DPP6: variants seen among roughly 807,000 people sequenced by gnomAD.
DPP6 encodes the protein dipeptidyl peptidase like 6, also known as A-type potassium channel modulatory protein DPP6.
A neutral mutation model predicts 122.6 loss-of-function variants in DPP6; 69 were observed. The observed-to-expected ratio is 0.56, with a 90% CI of 0.46 to 0.69. DPP6 has a LOEUF of 0.69. Among genes scored for constraint, DPP6 ranks in the 30% least tolerant of loss-of-function variants. The pLI, the probability that DPP6 is intolerant of heterozygous loss-of-function variation, is 0.00. For missense variants in DPP6, 928 were observed against 1,116.9 expected (o/e 0.83, Z 2.41); for synonymous variants, 418 against 433.1 (o/e 0.97, Z 0.43).
At chr7:154,341,668 C>A (rs1304711469) in intron 1 of DPP6, among the ~76,000 whole-genome samples, 1 of 151,102 alleles carries the variant, frequency 6.6e-6, no homozygotes, top group African/African-American at 2.4e-5. Context: ...TTTCTTGTCC[C>A]TTCTGTTTAG....
chr7:154,514,925 A>T (rs1439750913), intron 3 of DPP6, among the ~76,000 whole-genome samples: 1 of 152,220 alleles, frequency 6.6e-6, no homozygotes, highest in African/African-American at 2.4e-5. Flanking sequence ...TGCTGGATCA[A>T]GTGGTAATTC....
intron 1 of DPP6, among the ~76,000 whole-genome samples, chr7:154,105,762 A>C (rs1806112254): frequency 6.6e-6 from 1 of 152,034 alleles, no homozygotes; most frequent in Non-Finnish European, 1.5e-5. Flanking sequence ...ACGTGCCTTT[A>C]CTTCTCCTTT....
chr7:154,000,467 A>C (rs1322189110), intron 1 of DPP6, among the ~76,000 whole-genome samples: 2 of 152,174 alleles, frequency 1.3e-5, no homozygotes, highest in African/African-American at 4.8e-5. Context: ...TTCTGGTGAC[A>C]GCCCACACTG....
chr7:154,111,815 G>A (rs182230899), intron 1 of DPP6, among the ~76,000 whole-genome samples: 8 of 152,258 alleles, frequency 5.3e-5, no homozygotes, highest in Admixed American at 3.9e-4. Context: ...CTCTTAGATT[G>A]GAATTGTGTT....
chr7:153,837,837 ATTTTTTTTTT>A, the DPP6 span, among the ~76,000 whole-genome samples: 3 of 80,638 alleles, frequency 3.7e-5, no homozygotes, highest in African/African-American at 5.1e-5. Flanking sequence ...TGCCTGGTTA[ATTTTTTTTTT>A]TTTTTTTTTT....
At chr7:154,572,683 A>AAT (rs1554589113) in intron 5 of DPP6, among the ~76,000 whole-genome samples, 3 of 130,696 alleles carry the variant, frequency 2.3e-5, no homozygotes, top group Non-Finnish European at 4.9e-5. Context: ...CACATGGCTA[A>AAT]TTTTTTTTTT....
At chr7:154,675,446 C>T (rs1838840716) in intron 7 of DPP6, among the ~76,000 whole-genome samples, 1 of 152,292 alleles carries the variant, frequency 6.6e-6, no homozygotes, top group Non-Finnish European at 1.5e-5. Context: ...AGACTGGACT[C>T]CCAAAGATGT....
At position 154,282,039 on chromosome 7, in the gene DPP6, C is replaced by G. The variant is rs1193899875; in HGVS notation, c.244-164175C>G. Among the ~76,000 whole-genome samples the G allele has an allele frequency of 6.6e-6, 1 of 152,104 alleles. No individual in the cohort carries two copies. The highest frequency in any genetic ancestry group is 2.4e-5 in the African/African-American group (1 of 41,414). ...CTTAACCTTTCAACACCTCTGTTTCCTCCCCTGTCCAATGGGGAGATTGAC... is the reference window on the plus strand; with the variant it reads ...CTTAACCTTTCAACACCTCTGTTTCGTCCCCTGTCCAATGGGGAGATTGAC... On this transcript the variant is annotated intron_variant, in intron 1 of 25. Transcript: ENST00000377770. This position sits in a 1 kb window ranked among gnomAD's most constrained non-coding sequence, Gnocchi z 4.8.
the DPP6 span, among the ~76,000 whole-genome samples, chr7:153,850,165 G>T: frequency 2.0e-5 from 3 of 152,250 alleles, no homozygotes; most frequent in Admixed American, 6.5e-5. Flanking sequence ...ACACAGCTTA[G>T]GTGGCTTTGC....
intron 16 of DPP6, among the ~76,000 whole-genome samples, chr7:154,825,082 C>A (rs1340956608): frequency 1.2e-4 from 19 of 152,216 alleles, no homozygotes; most frequent in Non-Finnish European, 2.6e-4. Context: ...GAAACACCTG[C>A]AGGCCACATC....
intron 1 of DPP6, among the ~76,000 whole-genome samples, chr7:153,924,937 C>T (rs1010831066): frequency 6.6e-6 from 1 of 152,162 alleles, no homozygotes; most frequent in African/African-American, 2.4e-5. Context: ...CAAGAAAGAT[C>T]TGGACTCGAG....
intron 5 of DPP6, among the ~76,000 whole-genome samples, chr7:154,581,020 C>T (rs781634077): frequency 2.0e-5 from 3 of 152,124 alleles, no homozygotes; most frequent in Admixed American, 1.3e-4. Context: ...CTGTTCCCTC[C>T]GCTCCCAGAC....
At chr7:154,854,628 G>A (rs1436198800) in intron 17 of DPP6, among the ~76,000 whole-genome samples, 1 of 152,204 alleles carries the variant, frequency 6.6e-6, no homozygotes, top group African/African-American at 2.4e-5. Flanking sequence ...TTGAAGCCTG[G>A]TCAAGAAGAG....
At chr7:154,264,531 G>C (rs1173405205) in intron 1 of DPP6, among the ~76,000 whole-genome samples, 1 of 152,266 alleles carries the variant, frequency 6.6e-6, no homozygotes, top group African/African-American at 2.4e-5. Flanking sequence ...TTACTGTAAA[G>C]ATGAAAATTG....
chr7:153,987,014 C>T (rs71265473), intron 1 of DPP6, among the ~76,000 whole-genome samples: 25 of 152,124 alleles, frequency 1.6e-4, no homozygotes, highest in South Asian at 2.1e-4. Context: ...AAGGTTAGTT[C>T]GGTTTGGTTT....
At chr7:154,333,622 A>T (rs183498245) in intron 1 of DPP6, among the ~76,000 whole-genome samples, 16 of 152,318 alleles carry the variant, frequency 1.1e-4, no homozygotes, top group African/African-American at 3.6e-4. Flanking sequence ...TGTAGAGAAT[A>T]TTGGTGAAGC....
chr7:154,409,831 C>CT lies in DPP6; in HGVS notation c.244-36382dup, dbSNP rs1184700685. ...GCACCACTTTCAACATACCATGGTT[C>CT]TGTAGCAGTGCTGGCTGGGAGGCTT... On this transcript the variant is annotated intron_variant, in intron 1 of 25. Coordinates refer to ENST00000377770, the MANE Select transcript of DPP6 (RefSeq NM_130797.4). 4.6e-5 allele frequency among the ~76,000 whole-genome samples: 7 copies of CT among 152,298 alleles called. No homozygotes were observed. In the East Asian group the frequency reaches 1.4e-3, roughly 29 times the overall value.
intron 8 of DPP6, among the ~76,000 whole-genome samples, chr7:154,729,229 C>T (rs553019666): frequency 1.5e-4 from 23 of 152,126 alleles, no homozygotes; most frequent in Middle Eastern, 3.2e-3. Flanking sequence ...GGCCTGAAAC[C>T]GTGTGGTCAC....
chr7:153,861,355 A>T, the DPP6 span, among the ~76,000 whole-genome samples: 1 of 152,212 alleles, frequency 6.6e-6, no homozygotes, highest in Non-Finnish European at 1.5e-5. Flanking sequence ...AGTAAGACAT[A>T]TTTGGCCAAT....
Sources: gnomAD v4.1 joint callset for allele counts (sites outside exome capture counted in the v4.1 genomes callset) on GRCh38, gnomAD v4.1.1 for gene constraint, Gnocchi (gnomAD v3.1) non-coding constraint, MANE v1.5 for transcripts, NCBI Gene and HGNC (gene_info 2026-07-23, HGNC 2026-07-21) for gene names.